The following ROBO2 variants were observed in gnomAD, a reference collection of about 807,000 sequenced individuals.
ROBO2 encodes roundabout guidance receptor 2.
ROBO2 carries 53 observed loss-of-function variants against 160.8 expected under a neutral mutation model. That is an observed-to-expected ratio of 0.33 (90% confidence interval 0.26 to 0.41). ROBO2 has a LOEUF of 0.41. Ranked by LOEUF, ROBO2 falls within the 10% of genes least tolerant of loss-of-function variation. The pLI is 1.00. For synonymous variants in ROBO2, 664 were observed against 611.7 expected (o/e 1.09, Z -1.26); for missense variants, 1,577 against 1,722.4 (o/e 0.92, Z 1.49).
At chr3:75,936,757 G>A (rs1036866325) in intron 1 of ROBO2, among the ~76,000 whole-genome samples, 1 of 151,796 alleles carries the variant, frequency 6.6e-6, no homozygotes, top group Non-Finnish European at 1.5e-5. Context: ...CCTTGCTTTG[G>A]TGGACATTTA....
In ROBO2 at chr3:76,073,267, C is replaced by CTTTTTT. The variant is rs869307615; in HGVS notation, c.109+135704_109+135709dup. Among the ~76,000 whole-genome samples the CTTTTTT allele has an allele frequency of 1.5e-3, 88 of 57,380 alleles. 21 individuals carry two copies. The highest frequency in any genetic ancestry group is 2.6e-3 in the Non-Finnish European group (73 of 28,416). 37.6% of individuals were successfully genotyped at this position (57,380 alleles called of 152,430 possible). A position where few individuals can be genotyped will look rare whatever the true frequency, so the allele number is the denominator to read the frequency against. Reference sequence around the variant, plus strand: ...TTGTAAACTTCTCAGAATGAGTATTCTTTTTTTTTTTTTTTTTTTTTTTTT... The same window carrying CTTTTTT: ...TTGTAAACTTCTCAGAATGAGTATTCTTTTTTTTTTTTTTTTTTTTTTTTTTTTTTT... On this transcript the variant is annotated intron_variant, in intron 2 of 26. Coordinates refer to the ROBO2 transcript ENST00000487694.
chr3:77,628,420 ATCTTT>A (rs2095080326), intron 23 of ROBO2, among the ~76,000 whole-genome samples: 1 of 135,854 alleles, frequency 7.4e-6, no homozygotes, highest in Non-Finnish European at 1.5e-5. Context: ...TTCATTCATT[ATCTTT>A]TCTTCTCTCT....
At chr3:77,401,683 C>A (rs2075810040) in intron 2 of ROBO2, among the ~76,000 whole-genome samples, 2 of 152,042 alleles carry the variant, frequency 1.3e-5, no homozygotes, top group African/African-American at 4.8e-5. Flanking sequence ...AGGAGAGTAC[C>A]CTCCCCACAA....
At chr3:77,630,278 A>G (rs968401296) in intron 23 of ROBO2, 1 of 152,276 alleles carries the variant, frequency 6.6e-6, no homozygotes, top group African/African-American at 2.4e-5. Context: ...GGTAATCTAC[A>G]AACAAAAGAG....
chr3:76,849,307 C>T (rs2069093524), intron 2 of ROBO2, among the ~76,000 whole-genome samples: 1 of 152,118 alleles, frequency 6.6e-6, no homozygotes, highest in South Asian at 2.1e-4. Context: ...AAGCATGTGT[C>T]TTAGAATCTC....
At chr3:76,986,704 C>T (rs1467155981) in intron 2 of ROBO2, among the ~76,000 whole-genome samples, 2 of 151,912 alleles carry the variant, frequency 1.3e-5, no homozygotes, top group East Asian at 3.9e-4. Flanking sequence ...GTATAATCAC[C>T]ACTAGAAAAA....
At chr3:77,173,370 A>AT (rs11328529) in intron 2 of ROBO2, among the ~76,000 whole-genome samples, 1 of 151,758 alleles carries the variant, frequency 6.6e-6, no homozygotes, top group East Asian at 1.9e-4. Context: ...CCACATTATA[A>AT]TTTTTTTTCA....
At chr3:77,234,433 T>C (rs1210017556) in intron 2 of ROBO2, among the ~76,000 whole-genome samples, 2 of 152,178 alleles carry the variant, frequency 1.3e-5, no homozygotes, top group Non-Finnish European at 2.9e-5. Context: ...TCTTTTGGTT[T>C]CAAGATTACA....
Position 76,600,831 on chromosome 3 carries a change from T to G in ROBO2, c.110-497183T>G, listed in dbSNP as rs9842639. Among the ~76,000 whole-genome samples the G allele has an allele frequency of 3.3e-3, 502 of 152,222 alleles. 4 individuals carry two copies. Among genetic ancestry groups the G allele is most frequent in the African/African-American group, 1.0e-2 (414 of 41,530 alleles). ...CCTTCCCACCAGTCCCCCAAAGCCT[T>G]AACTCATTTCAGCATTAACTCAAAA... On this transcript the variant is annotated intron_variant, in intron 2 of 26. Coordinates refer to the ROBO2 transcript ENST00000487694.
intron 2 of ROBO2, among the ~76,000 whole-genome samples, chr3:76,088,882 C>G (rs775946868): frequency 7.3e-5 from 11 of 151,706 alleles, no homozygotes; most frequent in Non-Finnish European, 1.5e-4. Flanking sequence ...ATCCATGACA[C>G]TAAAGACAGA....
At chr3:76,055,984 G>A (rs566709647) in intron 2 of ROBO2, among the ~76,000 whole-genome samples, 3 of 152,202 alleles carry the variant, frequency 2.0e-5, no homozygotes, top group East Asian at 1.9e-4. Flanking sequence ...TGTGACTCAC[G>A]ACTCATTCAA....
intron 2 of ROBO2, among the ~76,000 whole-genome samples, chr3:77,382,345 C>T (rs546177966): frequency 6.5e-5 from 4 of 61,542 alleles, no homozygotes; most frequent in Non-Finnish European, 1.6e-4. Flanking sequence ...AAACACATGT[C>T]CTTTTTTTTT....
chr3:77,444,708 T>TG (rs1384631264), intron 2 of ROBO2, among the ~76,000 whole-genome samples: 1 of 152,186 alleles, frequency 6.6e-6, no homozygotes, highest in Non-Finnish European at 1.5e-5. Flanking sequence ...AAATCCTATG[T>TG]GGGAAAAAAG....
chr3:77,418,090 A>G (rs911323772), intron 2 of ROBO2, among the ~76,000 whole-genome samples: 1 of 152,194 alleles, frequency 6.6e-6, no homozygotes, highest in Non-Finnish European at 1.5e-5. Flanking sequence ...TCTTAAAAAA[A>G]TCTTGCTTTC....
chr3:76,021,445 G>C (rs2066572367), intron 2 of ROBO2, among the ~76,000 whole-genome samples: 1 of 151,724 alleles, frequency 6.6e-6, no homozygotes, highest in African/African-American at 2.4e-5. Context: ...CTAGATGCTT[G>C]ATATAAGAGA....
chr3:76,767,736 A>ATT (rs2061652971), intron 2 of ROBO2, among the ~76,000 whole-genome samples: 1 of 151,494 alleles, frequency 6.6e-6, no homozygotes, highest in East Asian at 2.0e-4. Context: ...ACATTGACAT[A>ATT]TTGTATAGTG....
intron 3 of ROBO2, among the ~76,000 whole-genome samples, chr3:77,478,071 C>T (rs1478774566): frequency 6.6e-6 from 1 of 151,974 alleles, no homozygotes; most frequent in Non-Finnish European, 1.5e-5. Context: ...GTGATCCACC[C>T]ACCTCAGCCC....
intron 2 of ROBO2, among the ~76,000 whole-genome samples, chr3:76,893,646 A>T (rs2074534559): frequency 1.3e-5 from 2 of 152,124 alleles, no homozygotes; most frequent in African/African-American, 2.4e-5. Context: ...GAATTCAAAT[A>T]TTTATAATTT....
At chr3:76,151,612 T>C (rs1385708274) in intron 2 of ROBO2, among the ~76,000 whole-genome samples, 3 of 152,144 alleles carry the variant, frequency 2.0e-5, no homozygotes, top group Non-Finnish European at 4.4e-5. Flanking sequence ...TAGTTGAAAA[T>C]TGTAAATCCC....
Sources: allele counts gnomAD v4.1 joint callset (sites outside exome capture counted in the v4.1 genomes callset), GRCh38; gene constraint gnomAD v4.1.1; transcripts MANE v1.5; gene names NCBI Gene and HGNC (gene_info 2026-07-23, HGNC 2026-07-21).